The following CSGALNACT1 variants were observed in gnomAD, a reference collection of about 807,000 sequenced individuals.
CSGALNACT1 encodes the protein beta4GalNAcT-1.
A neutral mutation model predicts 51.0 loss-of-function variants in CSGALNACT1; 52 were observed. The observed-to-expected ratio is 1.02, with a 90% CI of 0.82 to 1.29. The LOEUF is 1.29. CSGALNACT1 is among the 50% of genes most tolerant of loss of function. CSGALNACT1 has a pLI of 0.00. For missense variants in CSGALNACT1, 935 were observed against 679.2 expected (o/e 1.38, Z -4.19); for synonymous variants, 341 against 254.4 (o/e 1.34, Z -3.24).
At chr8:19,429,989 T>A (rs1388637592) in intron 6 of CSGALNACT1, among the ~76,000 whole-genome samples, 1 of 152,244 alleles carries the variant, frequency 6.6e-6, no homozygotes, top group Non-Finnish European at 1.5e-5. Context: ...CATCTTGTCC[T>A]GCTGTGCTTA....
chr8:19,413,796 T>G (rs865966497), intron 8 of CSGALNACT1, among the ~76,000 whole-genome samples: 20 of 152,124 alleles, frequency 1.3e-4, no homozygotes, highest in African/African-American at 4.6e-4. Flanking sequence ...CCGTGGGCAT[T>G]AGAAATGATA....
chr8:19,489,947 G>A (rs1005672743), intron 4 of CSGALNACT1, among the ~76,000 whole-genome samples: 1 of 152,096 alleles, frequency 6.6e-6, no homozygotes, highest in Non-Finnish European at 1.5e-5. Context: ...ACCTTGAATG[G>A]TACCAAGAAA....
intron 1 of CSGALNACT1, among the ~76,000 whole-genome samples, chr8:19,681,082 A>C (rs541297273): frequency 6.6e-6 from 1 of 152,050 alleles, no homozygotes; most frequent in African/African-American, 2.4e-5. Flanking sequence ...AGTATCCCCA[A>C]AACTCCTGGA....
At chr8:19,698,661 C>G (rs1006482651) in intron 1 of CSGALNACT1, among the ~76,000 whole-genome samples, 13 of 151,950 alleles carry the variant, frequency 8.6e-5, no homozygotes, top group African/African-American at 2.9e-4. Context: ...TTTTTAAGAT[C>G]AGAAAATAAC....
intron 3 of CSGALNACT1, among the ~76,000 whole-genome samples, chr8:19,533,905 GAAGA>G (rs2083262555): frequency 6.6e-6 from 1 of 152,026 alleles, no homozygotes; most frequent in Admixed American, 6.6e-5. Flanking sequence ...ACCATGAGGG[GAAGA>G]AAAAGAGAAT....
intron 6 of CSGALNACT1, among the ~76,000 whole-genome samples, chr8:19,429,529 G>T (rs1268677317): frequency 6.6e-6 from 1 of 152,120 alleles, no homozygotes; most frequent in Non-Finnish European, 1.5e-5. Flanking sequence ...TGTTTTTGAG[G>T]TTCATCCCAT....
chr8:19,508,419 C>T (rs1356134536), intron 3 of CSGALNACT1, among the ~76,000 whole-genome samples: 1 of 152,212 alleles, frequency 6.6e-6, no homozygotes, highest in Admixed American at 6.5e-5. Flanking sequence ...TAATTTAGAA[C>T]AACACACAGT....
intron 1 of CSGALNACT1, among the ~76,000 whole-genome samples, chr8:19,614,649 A>T (rs2052748659): frequency 6.6e-6 from 1 of 152,086 alleles, no homozygotes; most frequent in African/African-American, 2.4e-5. Context: ...CTCATTCTAT[A>T]TAGGGCCTGG....
At chr8:19,512,658 TCA>T (rs1404566380) in intron 3 of CSGALNACT1, among the ~76,000 whole-genome samples, 1 of 152,136 alleles carries the variant, frequency 6.6e-6, no homozygotes, top group Non-Finnish European at 1.5e-5. Flanking sequence ...AAAATAAGGC[TCA>T]GAGAAGTTAT....
intron 3 of CSGALNACT1, among the ~76,000 whole-genome samples, chr8:19,542,189 A>G (rs1045216792): frequency 7.2e-6 from 1 of 138,318 alleles, no homozygotes; most frequent in African/African-American, 2.7e-5. Flanking sequence ...AAGAAGAGAG[A>G]CAGCACAAGA....
intron 1 of CSGALNACT1, among the ~76,000 whole-genome samples, chr8:19,661,330 G>A (rs573649619): frequency 1.3e-5 from 2 of 152,312 alleles, no homozygotes; most frequent in South Asian, 2.1e-4. Flanking sequence ...GTGAAGATGA[G>A]TCACCTACTG....
chr8:19,627,127 G>A (rs2054556655), intron 1 of CSGALNACT1, among the ~76,000 whole-genome samples: 1 of 152,156 alleles, frequency 6.6e-6, no homozygotes, highest in Non-Finnish European at 1.5e-5. Flanking sequence ...ATTTGTAATA[G>A]CCAAGAAACT....
At chr8:19,619,151 T>C (rs964130718) in intron 1 of CSGALNACT1, among the ~76,000 whole-genome samples, 3 of 148,290 alleles carry the variant, frequency 2.0e-5, no homozygotes, top group Non-Finnish European at 3.0e-5. Context: ...TCTAATCACA[T>C]TAGACTACTC....
intron 1 of CSGALNACT1, among the ~76,000 whole-genome samples, chr8:19,673,481 T>TG (rs372022410): frequency 1.3e-5 from 2 of 152,198 alleles, no homozygotes; most frequent in African/African-American, 4.8e-5. Flanking sequence ...AGGCACTATG[T>TG]GGTCTCAGCT....
intron 1 of CSGALNACT1, among the ~76,000 whole-genome samples, chr8:19,630,244 A>ATGTGTG (rs1480740436): frequency 2.0e-3 from 149 of 73,850 alleles, no homozygotes; most frequent in African/African-American, 7.5e-3. Flanking sequence ...GTGTGTGTGT[A>ATGTGTG]TGTGTGTGTG....
chr8:19,457,568 G>C (rs760797413), intron 5 of CSGALNACT1: 1 of 764,596 alleles, frequency 1.3e-6, no homozygotes, highest in South Asian at 1.4e-5. Context: ...AGCAGAGTTC[G>C]TGCCACTGCA....
rs28679276 is a variant in CSGALNACT1, at chr8:19,405,460, C to A, written c.*320G>T. Reference sequence around the variant, plus strand: ...AACTGCTCTTAAATCATGAATATTTCAATGAGCACACAAAACAACAGGTCT... The same window carrying A: ...AACTGCTCTTAAATCATGAATATTTAAATGAGCACACAAAACAACAGGTCT... On this transcript the variant is annotated 3_prime_UTR_variant, in exon 10 of 10. Transcript: ENST00000454498. The A allele has an allele frequency of 2.4e-3, 1,261 of 518,734 alleles. 12 individuals are homozygous for A. The highest frequency in any genetic ancestry group is 0.022 in the African/African-American group (1,147 of 52,728). 32.1% of individuals were successfully genotyped at this position (518,734 alleles called of 1,614,324 possible). A position where few individuals can be genotyped will look rare whatever the true frequency, so the allele number is the denominator to read the frequency against.
At chr8:19,440,425 A>G (rs1406568741) in intron 5 of CSGALNACT1, among the ~76,000 whole-genome samples, 1 of 151,936 alleles carries the variant, frequency 6.6e-6, no homozygotes, top group Non-Finnish European at 1.5e-5. Context: ...ATGCAAATCA[A>G]TAAATGTAAT....
intron 1 of CSGALNACT1, among the ~76,000 whole-genome samples, chr8:19,665,736 A>G (rs923983508): frequency 6.6e-6 from 1 of 152,164 alleles, no homozygotes; most frequent in Non-Finnish European, 1.5e-5. Context: ...AAGGACGTCA[A>G]TTTTCCCCAT....
Sources: gnomAD v4.1 joint callset for allele counts (sites outside exome capture counted in the v4.1 genomes callset) on GRCh38, gnomAD v4.1.1 for gene constraint, MANE v1.5 for transcripts, NCBI Gene and HGNC (gene_info 2026-07-23, HGNC 2026-07-21) for gene names.